The following EVC variants were observed in gnomAD, a reference collection of about 807,000 sequenced individuals.
EVC encodes EvC ciliary complex subunit 1.
In EVC, 116 loss-of-function variants were observed where a neutral mutation model predicts 118.9. The observed-to-expected ratio is 0.98, with a 90% CI of 0.84 to 1.14. The LOEUF is 1.14. EVC is among the 50% of genes most tolerant of loss of function. The pLI is 0.00. For missense variants in EVC, 1,401 were observed against 1,246.4 expected (o/e 1.12, Z -1.87); for synonymous variants, 619 against 534.7 (o/e 1.16, Z -2.18).
intron 11 of EVC, chr4:5,758,269 C>T (rs1015461383): frequency 1.4e-5 from 8 of 587,170 alleles, no homozygotes; most frequent in Admixed American, 6.1e-5. Flanking sequence ...CATACTAATG[C>T]CCTCCGGAAC....
At chr4:5,723,964 T>G (rs1461339774) in intron 2 of EVC, among the ~76,000 whole-genome samples, 1 of 152,108 alleles carries the variant, frequency 6.6e-6, no homozygotes, top group African/African-American at 2.4e-5. Flanking sequence ...CTCTGTACCC[T>G]CAGGTCAGAG....
At position 5,742,708 on chromosome 4, in the gene EVC, ACCG is replaced by A. The variant is rs1728796093; in HGVS notation, c.801+897_801+899del. On this transcript the variant is annotated intron_variant, in intron 6 of 20. Transcript: ENST00000264956. This position sits in a 1 kb window ranked among gnomAD's most constrained non-coding sequence, Gnocchi z 5.2. ...TATTGGCATTCTCATTACTACCATC[ACCG>A]CCATCATCATCTTCATTACCACCAT... 6.6e-6 allele frequency among the ~76,000 whole-genome samples: 1 copy of A among 152,116 alleles called. No homozygotes were observed. The highest frequency in any genetic ancestry group is 1.5e-5 in the Non-Finnish European group (1 of 68,018).
chr4:5,783,487 G>A, intron 11 of EVC, 65 bp from the exon 12 acceptor site: 2 of 1,495,460 alleles, frequency 1.3e-6, no homozygotes, highest in Non-Finnish European at 1.9e-6. Flanking sequence ...GAGGCAGAGA[G>A]CAGCTCAGGC....
At position 5,755,742 on chromosome 4, in the gene EVC, G is replaced by T. The variant is rs899690; in HGVS notation, c.1465-522G>T. 0.8 allele frequency among the ~76,000 whole-genome samples: 121,569 copies of T among 152,020 alleles called. 48,716 individuals are homozygous for T. Among genetic ancestry groups the T allele is most frequent in the African/African-American group, 0.85 (35,205 of 41,482 alleles). ...GTCCTTCTGCCCCACCTCGCCCCTC[G>T]CTGATGCTCTGTTTAGGGCTGGCTG... On this transcript the variant is annotated intron_variant, in intron 10 of 20. Coordinates refer to ENST00000264956, the MANE Select transcript of EVC (RefSeq NM_153717.3). This position sits in a 1 kb window ranked among gnomAD's most constrained non-coding sequence, Gnocchi z 4.1.
chr4:5,738,537 A>G lies in EVC; in HGVS notation c.703-3179A>G, dbSNP rs1042993402. On this transcript the variant is annotated intron_variant, in intron 5 of 20. Transcript: ENST00000264956. The surrounding 1 kb of genome is among the most constrained non-coding windows in gnomAD (Gnocchi z 6.5). ...GCCACAGCCACCCTAACCTTCAGCA[A>G]CCACTACCCTCATAAGTCAGTAGCC... 4.6e-5 allele frequency among the ~76,000 whole-genome samples: 7 copies of G among 152,106 alleles called. No homozygotes were observed. The highest frequency in any genetic ancestry group is 8.8e-5 in the Non-Finnish European group (6 of 68,018).
chr4:5,755,041 CAG>C lies in EVC; in HGVS notation c.1464+1109_1464+1110del, dbSNP rs1397284263. ...GGAGGGGTCCCCCGAGAACAGAGGA[CAG>C]GCCTCTAGGTCCCTGGTCCAGCTGC... On this transcript the variant is annotated intron_variant, in intron 10 of 20. Coordinates refer to ENST00000264956, the MANE Select transcript of EVC (RefSeq NM_153717.3). This position sits in a 1 kb window ranked among gnomAD's most constrained non-coding sequence, Gnocchi z 4.1. Among the ~76,000 whole-genome samples the C allele has an allele frequency of 6.6e-6, 1 of 152,064 alleles. No homozygotes were observed. Among genetic ancestry groups the C allele is most frequent in the African/African-American group, 2.4e-5 (1 of 41,412 alleles).
chr4:5,720,769 G>A (rs192920461), intron 2 of EVC, among the ~76,000 whole-genome samples: 17 of 152,300 alleles, frequency 1.1e-4, no homozygotes, highest in African/African-American at 3.8e-4. Context: ...AGATGAGTCT[G>A]GAACAAGCAG....
chr4:5,795,496 CA>C (rs1417794936), intron 13 of EVC, among the ~76,000 whole-genome samples: 1 of 152,046 alleles, frequency 6.6e-6, no homozygotes. Context: ...TACTAAAATA[CA>C]AAAAATTAGC....
chr4:5,712,335 A>G (rs1261857355), intron 1 of EVC, among the ~76,000 whole-genome samples: 1 of 152,226 alleles, frequency 6.6e-6, no homozygotes, highest in Non-Finnish European at 1.5e-5. Context: ...TACTAAAGTG[A>G]CAGAAGTGTC....
In EVC at chr4:5,755,760, G is replaced by T. The variant is rs1271929376; in HGVS notation, c.1465-504G>T. Among the ~76,000 whole-genome samples, 3 of 152,152 alleles carry T rather than the reference G, an allele frequency of 2.0e-5. No homozygotes were observed. Among genetic ancestry groups the T allele is most frequent in the Non-Finnish European group, 2.9e-5 (2 of 68,032 alleles). ...GCCCCTCGCTGATGCTCTGTTTAGG[G>T]CTGGCTGGGTCTCCCCCTGCTGATG... is the stretch of plus-strand genomic sequence containing the variant. On this transcript the variant is annotated intron_variant, in intron 10 of 20. Coordinates refer to ENST00000264956, the MANE Select transcript of EVC (RefSeq NM_153717.3). This position sits in a 1 kb window ranked among gnomAD's most constrained non-coding sequence, Gnocchi z 4.1.
At chr4:5,824,985 G>A in the EVC span, 2 of 985,394 alleles carry the variant, frequency 2.0e-6, no homozygotes, top group South Asian at 9.4e-5. Flanking sequence ...TGGATTTCTT[G>A]GGGCTTCCGT....
chr4:5,755,475 C>T lies in EVC; in HGVS notation c.1465-789C>T, dbSNP rs892094488. ...AGAATGAACGAACGACACCAGGCTC[C>T]CAGTACACACTCAGCACCCACCTTT... On this transcript the variant is annotated intron_variant, in intron 10 of 20. Transcript: ENST00000264956. This position sits in a 1 kb window ranked among gnomAD's most constrained non-coding sequence, Gnocchi z 4.1. 6.6e-6 allele frequency among the ~76,000 whole-genome samples: 1 copy of T among 152,088 alleles called. No homozygotes were observed. Among genetic ancestry groups the T allele is most frequent in the Non-Finnish European group, 1.5e-5 (1 of 68,032 alleles).
chr4:5,732,433 G>C (rs1726974129), intron 4 of EVC, among the ~76,000 whole-genome samples: 1 of 152,246 alleles, frequency 6.6e-6, no homozygotes, highest in East Asian at 1.9e-4. Context: ...GGGCCTTCTT[G>C]GACTGGCCAG....
chr4:5,750,219 T>C (rs1284566564), intron 8 of EVC, among the ~76,000 whole-genome samples: 7 of 152,186 alleles, frequency 4.6e-5, no homozygotes, highest in African/African-American at 7.2e-5. Context: ...CCCCTTTGAA[T>C]TGGATTTCAG....
At chr4:5,828,633 G>A in the EVC span, 1 of 1,614,168 alleles carries the variant, frequency 6.2e-7, no homozygotes, top group East Asian at 2.2e-5. Context: ...GGGAGCCGTG[G>A]CACTCCATAC....
At chr4:5,794,210 C>T (rs1370858643) in intron 13 of EVC, among the ~76,000 whole-genome samples, 7 of 86,226 alleles carry the variant, frequency 8.1e-5, no homozygotes, top group Non-Finnish European at 1.9e-4. Context: ...TTTTTTCCTT[C>T]TTTCATTATG....
chr4:5,786,268 A>T (rs995900005), intron 12 of EVC, among the ~76,000 whole-genome samples: 1 of 152,156 alleles, frequency 6.6e-6, no homozygotes, highest in Non-Finnish European at 1.5e-5. Flanking sequence ...ATTGATAGTG[A>T]AGGAATCCAG....
At chr4:5,729,478 A>G in intron 3 of EVC, 88 bp downstream of exon 3, 2 of 1,294,884 alleles carry the variant, frequency 1.5e-6, no homozygotes, top group Non-Finnish European at 2.2e-6. Context: ...TAACTGTGTG[A>G]TGTTTGGTCC....
At chr4:5,729,024 C>A (rs1030579503) in intron 2 of EVC, among the ~76,000 whole-genome samples, 4 of 152,216 alleles carry the variant, frequency 2.6e-5, no homozygotes, top group African/African-American at 9.6e-5. Flanking sequence ...ATCCAACCAC[C>A]CATCTATTCA....
Sources: gnomAD v4.1 joint callset for allele counts (sites outside exome capture counted in the v4.1 genomes callset) on GRCh38, gnomAD v4.1.1 for gene constraint, Gnocchi (gnomAD v3.1) non-coding constraint, MANE v1.5 for transcripts, NCBI Gene and HGNC (gene_info 2026-07-23, HGNC 2026-07-21) for gene names.